KCNIP4: variants seen among roughly 807,000 people sequenced by gnomAD.
KCNIP4 encodes Kv channel-interacting protein 4.
Under a neutral mutation model 34.0 loss-of-function variants are expected in KCNIP4, and 12 were observed. The ratio of observed to expected loss-of-function variants is 0.35; its 90% CI spans 0.23 to 0.57. KCNIP4 has a LOEUF of 0.57. Among genes scored for constraint, KCNIP4 ranks in the 20% least tolerant of loss-of-function variants. The pLI is 0.83. For synonymous variants in KCNIP4, 124 were observed against 102.2 expected (o/e 1.21, Z -1.29); for missense variants, 238 against 311.7 (o/e 0.76, Z 1.78).
intron 1 of KCNIP4, among the ~76,000 whole-genome samples, chr4:21,074,177 T>C (rs910520124): frequency 2.6e-5 from 4 of 152,188 alleles, no homozygotes. Flanking sequence ...GGATTCCCTC[T>C]TTTTCTTTTG....
At chr4:21,256,323 A>G (rs900056753) in intron 1 of KCNIP4, among the ~76,000 whole-genome samples, 2 of 152,002 alleles carry the variant, frequency 1.3e-5, no homozygotes, top group African/African-American at 4.8e-5. Context: ...CATGCCTGTA[A>G]TATCAGCATT....
intron 1 of KCNIP4, among the ~76,000 whole-genome samples, chr4:21,000,011 A>C (rs1381995058): frequency 6.6e-6 from 1 of 152,158 alleles, no homozygotes; most frequent in Non-Finnish European, 1.5e-5. Context: ...AAGAATTGAG[A>C]ATATGTGCCA....
At chr4:21,937,399 C>A (rs148956913) in intron 1 of KCNIP4, among the ~76,000 whole-genome samples, 1 of 151,994 alleles carries the variant, frequency 6.6e-6, no homozygotes, top group Non-Finnish European at 1.5e-5. Flanking sequence ...CTTGTTCAAA[C>A]GTTTGTTTTC....
chr4:21,834,252 T>A (rs897399204), intron 1 of KCNIP4, among the ~76,000 whole-genome samples: 3 of 152,212 alleles, frequency 2.0e-5, no homozygotes, highest in Non-Finnish European at 4.4e-5. Context: ...TTTGTTTGTA[T>A]CCTCTTTTAT....
intron 1 of KCNIP4, among the ~76,000 whole-genome samples, chr4:21,537,877 T>G (rs1259456759): frequency 6.6e-6 from 1 of 151,866 alleles, no homozygotes; most frequent in Admixed American, 6.6e-5. Flanking sequence ...CTGGGCTTGG[T>G]GGCACATGCC....
chr4:21,197,281 G>T (rs1756125434), intron 1 of KCNIP4, among the ~76,000 whole-genome samples: 1 of 152,142 alleles, frequency 6.6e-6, no homozygotes, highest in African/African-American at 2.4e-5. Flanking sequence ...ACTAGGAGTG[G>T]AATTGCTAGC....
At chr4:21,749,062 A>G (rs1716971125) in intron 1 of KCNIP4, among the ~76,000 whole-genome samples, 1 of 152,192 alleles carries the variant, frequency 6.6e-6, no homozygotes, top group Admixed American at 6.6e-5. Context: ...TATTAAATGT[A>G]TAACTCTTGA....
At chr4:21,430,123 C>A (rs1726305821) in intron 1 of KCNIP4, among the ~76,000 whole-genome samples, 1 of 152,076 alleles carries the variant, frequency 6.6e-6, no homozygotes, top group South Asian at 2.1e-4. Flanking sequence ...CTCCTCTGGA[C>A]TTTTATCAGG....
intron 1 of KCNIP4, among the ~76,000 whole-genome samples, chr4:21,109,469 G>T (rs1453344263): frequency 2.6e-5 from 4 of 152,204 alleles, no homozygotes; most frequent in Non-Finnish European, 4.4e-5. Context: ...ACAGTATTAG[G>T]GTGGGAGTGA....
At chr4:21,906,377 C>A (rs192166787) in intron 1 of KCNIP4, among the ~76,000 whole-genome samples, 28 of 152,156 alleles carry the variant, frequency 1.8e-4, no homozygotes, top group African/African-American at 6.5e-4. Context: ...GGAGGAAAAG[C>A]GAACGTGAAG....
At chr4:21,832,701 T>A (rs4470614) in intron 1 of KCNIP4, among the ~76,000 whole-genome samples, 62,904 of 137,530 alleles carry the variant, frequency 0.46, 15,380 homozygotes, top group East Asian at 0.63. Context: ...TAACTCGTCA[T>A]CTAGCATTAG....
intron 1 of KCNIP4, among the ~76,000 whole-genome samples, chr4:21,110,332 C>A (rs545480027): frequency 3.9e-4 from 59 of 152,230 alleles, no homozygotes; most frequent in Non-Finnish European, 6.8e-4. Context: ...AAAAAACAGA[C>A]ACATATAAAT....
At chr4:21,463,197 A>T (rs1480018347) in intron 1 of KCNIP4, among the ~76,000 whole-genome samples, 7 of 152,026 alleles carry the variant, frequency 4.6e-5, no homozygotes, top group Non-Finnish European at 1.0e-4. Flanking sequence ...TGTATTTTTG[A>T]TAGAAGTCAT....
At chr4:21,914,956 T>C (rs1014803442) in intron 1 of KCNIP4, among the ~76,000 whole-genome samples, 1 of 152,160 alleles carries the variant, frequency 6.6e-6, no homozygotes, top group Non-Finnish European at 1.5e-5. Flanking sequence ...AAAGGTTCTT[T>C]TTTTTGGAGA....
At chr4:21,684,333 A>G (rs1750648995) in intron 1 of KCNIP4, among the ~76,000 whole-genome samples, 1 of 152,152 alleles carries the variant, frequency 6.6e-6, no homozygotes, top group African/African-American at 2.4e-5. Flanking sequence ...TCAAATTGAT[A>G]TACCTACTGA....
intron 1 of KCNIP4, among the ~76,000 whole-genome samples, chr4:21,785,510 T>C (rs1229556973): frequency 6.6e-6 from 1 of 151,958 alleles, no homozygotes; most frequent in Non-Finnish European, 1.5e-5. Flanking sequence ...GAGAATCACT[T>C]GAACCCAGGA....
chr4:20,783,195 G>T (rs919678604), intron 3 of KCNIP4, among the ~76,000 whole-genome samples: 2 of 152,130 alleles, frequency 1.3e-5, no homozygotes, highest in South Asian at 4.1e-4. Flanking sequence ...CAAGTCTCTA[G>T]GGATCTCCAA....
At chr4:20,833,462 G>A (rs991784396) in intron 3 of KCNIP4, among the ~76,000 whole-genome samples, 2 of 148,642 alleles carry the variant, frequency 1.3e-5, no homozygotes, top group Admixed American at 1.3e-4. Context: ...TCCAGCCTGG[G>A]CAACAGAGTG....
chr4:21,783,621 A>G (rs1180182076), intron 1 of KCNIP4, among the ~76,000 whole-genome samples: 1 of 152,188 alleles, frequency 6.6e-6, no homozygotes. Flanking sequence ...TAAAGGTAGG[A>G]CATCAAAAAA....
Sources: gnomAD v4.1 joint callset for allele counts (sites outside exome capture counted in the v4.1 genomes callset) on GRCh38, gnomAD v4.1.1 for gene constraint, MANE v1.5 for transcripts, NCBI Gene and HGNC (gene_info 2026-07-23, HGNC 2026-07-21) for gene names.